Variants in ZNF775 observed in about 807,000 individuals in gnomAD.
ZNF775 encodes the protein zinc finger protein 775.
A neutral mutation model predicts 2.4 loss-of-function variants in ZNF775; 1 was observed. The observed-to-expected ratio is 0.41, with a 90% confidence interval of 0.15 to 1.94. The LOEUF (loss-of-function observed/expected upper bound fraction) is 1.94. Among genes scored for constraint, ZNF775 ranks in the 30% most tolerant of loss-of-function variants. The pLI, the probability that ZNF775 is intolerant of heterozygous loss-of-function variation, is 0.30. For synonymous variants in ZNF775, 381 were observed against 373.3 expected, an observed-to-expected ratio of 1.02 and a Z score of -0.24; for missense variants, 823 against 826.6, an observed-to-expected ratio of 1.00 and a Z score of 0.05.
rs368656037 is a variant in ZNF775 at position 150,396,993 on chromosome 7, G to A, written c.512G>A (p.Arg171His). ...TTCTGCTGCCCCGAGTGCGCGCGGC[G>A]CTTCAGCCAGAAGCAGCACCTGCTC... ...RPFCCPECAR[R>H]FSQKQHLLKH... The change falls in exon 3 of 3, where the codon CGC (arginine) becomes CAC (histidine). Residue 171 changes from arginine (R) to histidine (H), a missense_variant. By Grantham distance (29) the Arg-to-His change is conservative. Coordinates refer to ENST00000329630, the MANE Select transcript of ZNF775 (RefSeq NM_173680.4). The A allele has an allele frequency of 3.1e-5, 50 of 1,598,554 alleles. No homozygotes were observed. Among genetic ancestry groups the A allele is most frequent in the Middle Eastern group, 1.6e-4 (1 of 6,080 alleles).
At chr7:150,394,461 G>A (rs1800613114) in intron 2 of ZNF775, among the ~76,000 whole-genome samples, 2 of 152,070 alleles carry the variant, frequency 1.3e-5, no homozygotes, top group Non-Finnish European at 2.9e-5. Flanking sequence ...CTCTGCCTTG[G>A]CTAGTTCCTC....
Position 150,391,076 on chromosome 7 carries a change from C to T in ZNF775, c.31+2575C>T, listed in dbSNP as rs76545089. 9.0e-3 allele frequency among the ~76,000 whole-genome samples: 1,374 copies of T among 152,262 alleles called. 25 individuals carry two copies. The highest frequency in any genetic ancestry group is 0.032 in the African/African-American group (1,310 of 41,532). ...AGTGGGGTTGAACCTCTTTTTATCA[C>T]GTATAGGAGTCTGTTTTATAGTCTG... On this transcript the variant is annotated intron_variant, in intron 2 of 2. Transcript: ENST00000329630.
chr7:150,398,112 G>A lies in ZNF775; in HGVS notation c.*17G>A, dbSNP rs747538284. The A allele has an allele frequency of 1.3e-6, 2 of 1,538,842 alleles. No individual in the cohort carries two copies. The highest frequency in any genetic ancestry group is 8.7e-7 in the Non-Finnish European group (1 of 1,147,294). On this transcript the variant is annotated 3_prime_UTR_variant, in exon 3 of 3. Coordinates refer to ENST00000329630, the MANE Select transcript of ZNF775 (RefSeq NM_173680.4). ...GCGCGCTAGTGGACTGGACCTCAGC[G>A]GACCCGTGGTGGTGCGGGGGATGTT...
intron 2 of ZNF775, 41 bp from the exon 3 acceptor site, chr7:150,396,472 A>G: frequency 1.4e-5 from 21 of 1,537,254 alleles, no homozygotes; most frequent in Non-Finnish European, 1.8e-5. Flanking sequence ...GCGGAGCAGC[A>G]GTGACCTCTC....
chr7:150,394,509 C>T (rs1282307543), intron 2 of ZNF775, among the ~76,000 whole-genome samples: 1 of 152,168 alleles, frequency 6.6e-6, no homozygotes, highest in Non-Finnish European at 1.5e-5. Flanking sequence ...GTGAGCATCG[C>T]ATTTTGTTTC....
At position 150,388,454 on chromosome 7, in the gene ZNF775, C is replaced by A; in HGVS notation, c.-17C>A. The A allele has an allele frequency of 1.2e-5, 18 of 1,551,766 alleles. No individual in the cohort carries two copies. Among genetic ancestry groups the A allele is most frequent in the Non-Finnish European group, 1.6e-5 (18 of 1,147,012 alleles). On this transcript the variant is annotated 5_prime_UTR_variant, in exon 2 of 3. It adds an upstream start codon to the 5' untranslated region. Transcript: ENST00000329630. Reference sequence around the variant, plus strand: ...GAAAGGGACACAGCCGGCGCTGATGCTGGGAGGCCTCCAGGGATGGAGAGT... The same window carrying A: ...GAAAGGGACACAGCCGGCGCTGATGATGGGAGGCCTCCAGGGATGGAGAGT...
chr7:150,392,079 G>A (rs1237571144), intron 2 of ZNF775, among the ~76,000 whole-genome samples: 1 of 152,068 alleles, frequency 6.6e-6, no homozygotes, highest in Non-Finnish European at 1.5e-5. Flanking sequence ...TTTAAATTTA[G>A]TTTTTATCTT....
chr7:150,390,389 G>A (rs773080479), intron 2 of ZNF775, among the ~76,000 whole-genome samples: 12 of 152,150 alleles, frequency 7.9e-5, no homozygotes, highest in Admixed American at 1.3e-4. Flanking sequence ...GGGCTCTCTG[G>A]CCCACAGTCA....
At position 150,398,346 on chromosome 7, in the gene ZNF775, C is replaced by T; in HGVS notation, c.*251C>T. On this transcript the variant is annotated 3_prime_UTR_variant, in exon 3 of 3. Transcript: ENST00000329630. ...CGGGCCGGGATGTGACCACCCTCTT[C>T]AGAGGTTGGACCCCAGGCTTCAAGC... The T allele has an allele frequency of 1.7e-6, 1 of 593,204 alleles. No individual in the cohort carries two copies. The highest frequency in any genetic ancestry group is 2.9e-6 in the Non-Finnish European group (1 of 350,720). 36.7% of individuals were successfully genotyped at this position (593,204 alleles called of 1,614,324 possible).
chr7:150,391,900 G>C (rs764337625), intron 2 of ZNF775, among the ~76,000 whole-genome samples: 18 of 151,830 alleles, frequency 1.2e-4, no homozygotes, highest in Non-Finnish European at 2.5e-4. Flanking sequence ...TTTTAGTAGA[G>C]ACGGGGTTTC....
Position 150,397,509 on chromosome 7 carries a change from G to C in ZNF775, c.1028G>C (p.Gly343Ala), listed in dbSNP as rs1800694411. 1.9e-6 allele frequency: 3 copies of C among 1,571,254 alleles called. No homozygotes were observed. In the East Asian group the frequency reaches 6.9e-5, roughly 36 times the overall value. Residue 343 changes from glycine to alanine, a missense_variant, in exon 3 of 3, where the codon GGC (glycine) becomes GCC (alanine). Gly to Ala is a moderately conservative substitution (Grantham distance 60, BLOSUM62 0). Coordinates refer to ENST00000329630, the MANE Select transcript of ZNF775 (RefSeq NM_173680.4). Reference protein sequence around the residue: ...GERPHPCPHCGRGFRQKQHLL... With the variant: ...GERPHPCPHCARGFRQKQHLL... ...CGCCCGCACCCCTGCCCGCACTGTG[G>C]CCGCGGCTTCCGCCAGAAGCAGCAC...
chr7:150,392,690 C>T (rs536656406), intron 2 of ZNF775, among the ~76,000 whole-genome samples: 3 of 152,270 alleles, frequency 2.0e-5, no homozygotes, highest in Non-Finnish European at 4.4e-5. Flanking sequence ...TGCACCACCA[C>T]ACCCAGCTAA....
At chr7:150,386,138 G>C (rs145353545) in intron 1 of ZNF775, among the ~76,000 whole-genome samples, 1 of 152,076 alleles carries the variant, frequency 6.6e-6, no homozygotes, top group Non-Finnish European at 1.5e-5. Context: ...GTTTCCCCAC[G>C]TCGGCCAGGC....
Position 150,397,864 on chromosome 7 carries a change from C to A in ZNF775, c.1383C>A (p.Leu461=). ...CGKSFSWWSA[L]TIHQRIHTGE... ...AGAGCTTCTCGTGGTGGTCGGCGCT[C>A]ACCATCCACCAGCGCATCCACACGG... The change falls in exon 3 of 3, where the codon CTC becomes CTA. Residue 461 remains leucine, a synonymous_variant. Transcript: ENST00000329630. The A allele has an allele frequency of 6.2e-7, 1 of 1,602,140 alleles. No individual in the cohort carries two copies. Among genetic ancestry groups the A allele is most frequent in the Non-Finnish European group, 8.5e-7 (1 of 1,178,114 alleles).
intron 2 of ZNF775, among the ~76,000 whole-genome samples, chr7:150,396,006 C>G (rs970168373): frequency 6.6e-6 from 1 of 152,188 alleles, no homozygotes; most frequent in Admixed American, 6.5e-5. Flanking sequence ...GTCTCCCTGA[C>G]CACTGAGGGA....
In ZNF775 at chr7:150,396,577, G is replaced by A; in HGVS notation, c.96G>A (p.Pro32=). The change falls in exon 3 of 3, where the codon CCG becomes CCA. Residue 32 remains proline, a synonymous_variant. Coordinates refer to ENST00000329630, the MANE Select transcript of ZNF775 (RefSeq NM_173680.4). The stretch of plus-strand genomic sequence containing the variant: ...AGCGGCTGCTGCAGACGCTGGCGCC[G>A]CAGGCCATGCTTGTGGAGAAGGACA... ...KPERLLQTLA[P]QAMLVEKDKE... 1.2e-6 allele frequency: 2 copies of A among 1,606,628 alleles called. No homozygotes were observed. Among genetic ancestry groups the A allele is most frequent in the Non-Finnish European group, 1.7e-6 (2 of 1,177,938 alleles).
chr7:150,388,075 C>T (rs757082542), intron 1 of ZNF775, among the ~76,000 whole-genome samples: 1 of 152,126 alleles, frequency 6.6e-6, no homozygotes, highest in Non-Finnish European at 1.5e-5. Context: ...GCGTGGTGTC[C>T]ATCACATGCC....
At chr7:150,389,364 G>C (rs1800514867) in intron 2 of ZNF775, among the ~76,000 whole-genome samples, 1 of 152,258 alleles carries the variant, frequency 6.6e-6, no homozygotes. Context: ...CCAAGACTGA[G>C]ACAAAAATCA....
Position 150,382,531 on chromosome 7 carries a change from T to C in ZNF775, c.-50+3139T>C, listed in dbSNP as rs2129620832. The stretch of plus-strand genomic sequence containing the variant: ...GGACATCCCTGCCAGCCTCAGGCAG[T>C]GGGCTTCTAGGGGGAGACTAGGGCT... On this transcript the variant is annotated intron_variant, in intron 1 of 2. Coordinates refer to ENST00000329630, the MANE Select transcript of ZNF775 (RefSeq NM_173680.4). This position sits in a 1 kb window ranked among gnomAD's most constrained non-coding sequence, Gnocchi z 4.6. 6.6e-6 allele frequency among the ~76,000 whole-genome samples: 1 copy of C among 152,142 alleles called. No homozygotes were observed. The highest frequency in any genetic ancestry group is 1.5e-5 in the Non-Finnish European group (1 of 67,962).
Sources: gnomAD v4.1 joint callset for allele counts (sites outside exome capture counted in the v4.1 genomes callset) on GRCh38, gnomAD v4.1.1 for gene constraint, Gnocchi (gnomAD v3.1) non-coding constraint, MANE v1.5 for transcripts, NCBI Gene and HGNC (gene_info 2026-07-23, HGNC 2026-07-21) for gene names.